BACH2: variants seen among roughly 807,000 people sequenced by gnomAD.
BACH2 encodes BACH transcriptional regulator 2, also known as transcription regulator protein BACH2.
In BACH2, 5 loss-of-function variants were observed where a neutral mutation model predicts 61.8. The ratio of observed to expected loss-of-function variants is 0.08; its 90% CI spans 0.04 to 0.17. The LOEUF (loss-of-function observed/expected upper bound fraction) is 0.17, where lower values mean the gene tolerates loss of function less well. BACH2 is among the 10% of genes least tolerant of loss of function. The probability of loss-of-function intolerance (pLI) is 1.00; values close to 1 mark genes in which losing one functional copy is unlikely to be tolerated. For synonymous variants in BACH2, 446 were observed against 440.1 expected (o/e 1.01, Z -0.17); for missense variants, 824 against 1,091.1 (o/e 0.76, Z 3.45).
intron 3 of BACH2, among the ~76,000 whole-genome samples, chr6:90,250,648 T>G (rs1257323451): frequency 6.6e-6 from 1 of 152,188 alleles, no homozygotes; most frequent in African/African-American, 2.4e-5. Context: ...CACACAGCTG[T>G]GTAACTGACT....
At chr6:90,175,529 C>A (rs917907575) in intron 4 of BACH2, among the ~76,000 whole-genome samples, 1 of 151,976 alleles carries the variant, frequency 6.6e-6, no homozygotes, top group African/African-American at 2.4e-5. Flanking sequence ...GTGGAAAAAA[C>A]CTAATCCCTT....
intron 5 of BACH2, among the ~76,000 whole-genome samples, chr6:90,067,808 G>A (rs1444175264): frequency 6.6e-6 from 1 of 152,100 alleles, no homozygotes; most frequent in Non-Finnish European, 1.5e-5. Context: ...AAACACACAC[G>A]TTCTTTCTAA....
intron 4 of BACH2, among the ~76,000 whole-genome samples, chr6:90,108,979 G>T (rs1181354737): frequency 6.6e-6 from 1 of 152,150 alleles, no homozygotes. Flanking sequence ...CACTGTCCCT[G>T]GGACATCAAT....
chr6:90,215,566 T>C (rs888114794), intron 3 of BACH2, among the ~76,000 whole-genome samples: 1 of 151,992 alleles, frequency 6.6e-6, no homozygotes, highest in Non-Finnish European at 1.5e-5. Flanking sequence ...TGGTCAGAAG[T>C]AGGCCAGGCT....
At chr6:90,064,293 C>G (rs1404585946) in intron 5 of BACH2, among the ~76,000 whole-genome samples, 1 of 152,152 alleles carries the variant, frequency 6.6e-6, no homozygotes, top group African/African-American at 2.4e-5. Flanking sequence ...GGCACCTGGC[C>G]TGGCCTTGAC....
chr6:89,945,246 C>T (rs748410151), intron 7 of BACH2, among the ~76,000 whole-genome samples: 10 of 152,144 alleles, frequency 6.6e-5, no homozygotes, highest in Non-Finnish European at 1.2e-4. Flanking sequence ...TTTATAATAG[C>T]CCCAAAGTGG....
At chr6:90,266,176 T>C (rs1023570653) in intron 2 of BACH2, among the ~76,000 whole-genome samples, 2 of 152,210 alleles carry the variant, frequency 1.3e-5, no homozygotes, top group African/African-American at 4.8e-5. Flanking sequence ...CCATGGAGGC[T>C]AGAGCAGACC....
chr6:90,011,402 A>G (rs1409075240), intron 5 of BACH2, among the ~76,000 whole-genome samples: 1 of 151,852 alleles, frequency 6.6e-6, no homozygotes, highest in East Asian at 1.9e-4. Flanking sequence ...TACTATTTTT[A>G]TGTTTGTCTA....
chr6:90,036,107 G>A (rs535207612), intron 5 of BACH2, among the ~76,000 whole-genome samples: 1 of 151,852 alleles, frequency 6.6e-6, no homozygotes, highest in African/African-American at 2.4e-5. Flanking sequence ...AAAATAAAAT[G>A]GGTTTCCTTT....
chr6:90,255,436 A>G lies in BACH2; in HGVS notation c.-352-2846T>C, dbSNP rs116932919. On this transcript the variant is annotated intron_variant, in intron 2 of 8. Transcript: ENST00000257749. Reference sequence around the variant, plus strand: ...GCAGCCATGGGCCACCTGAGTGGTGAAACTGAGACCCAAAGAGTGTCAGGA... The same window carrying G: ...GCAGCCATGGGCCACCTGAGTGGTGGAACTGAGACCCAAAGAGTGTCAGGA... Among the ~76,000 whole-genome samples the G allele has an allele frequency of 1.5e-3, 233 of 152,308 alleles. 4 individuals are homozygous for G. The East Asian group carries it at 0.034, about 22-fold the overall frequency.
intron 4 of BACH2, among the ~76,000 whole-genome samples, chr6:90,090,792 G>T (rs761391289): frequency 1.1e-4 from 16 of 152,104 alleles, no homozygotes; most frequent in Non-Finnish European, 2.2e-4. Flanking sequence ...TTATTTGTGG[G>T]TTGATAATTC....
At chr6:90,296,151 C>G in intron 1 of BACH2, among the ~76,000 whole-genome samples, 1 of 152,118 alleles carries the variant, frequency 6.6e-6, no homozygotes, top group East Asian at 1.9e-4. Context: ...ACTTATTACT[C>G]TCTGCTCCTC....
At chr6:89,997,291 T>C (rs1440944712) in intron 6 of BACH2, among the ~76,000 whole-genome samples, 1 of 152,212 alleles carries the variant, frequency 6.6e-6, no homozygotes, top group Non-Finnish European at 1.5e-5. Context: ...GTGAATTGAA[T>C]GCATTTAACT....
rs1226361025 is a variant in BACH2 at position 89,993,296 on chromosome 6, T to A, written c.243+15306A>T. Among the ~76,000 whole-genome samples the A allele has an allele frequency of 2.0e-5, 3 of 151,846 alleles. No homozygotes were observed. The East Asian group carries it at 5.8e-4, about 29-fold the overall frequency. On this transcript the variant is annotated intron_variant, in intron 6 of 8. Coordinates refer to ENST00000257749, the MANE Select transcript of BACH2 (RefSeq NM_021813.4). ...AGCTAAGGATTGAGTTAAGAGAAAA[T>A]CACTTAACTTAATAAAACTTAAAAA...
chr6:90,203,418 A>G (rs1769025994), intron 4 of BACH2, among the ~76,000 whole-genome samples: 1 of 131,104 alleles, frequency 7.6e-6, no homozygotes, highest in Non-Finnish European at 1.6e-5. Context: ...AAAAAAAAAG[A>G]GTTAAATTCT....
At chr6:90,219,276 T>C (rs1284766664) in intron 3 of BACH2, among the ~76,000 whole-genome samples, 1 of 152,158 alleles carries the variant, frequency 6.6e-6, no homozygotes, top group Non-Finnish European at 1.5e-5. Flanking sequence ...CAATCTGTAA[T>C]ATGAGGCAGT....
intron 1 of BACH2, among the ~76,000 whole-genome samples, chr6:90,284,132 G>C (rs936283189): frequency 1.3e-5 from 2 of 152,180 alleles, no homozygotes; most frequent in African/African-American, 4.8e-5. Flanking sequence ...AAAAAGCAAA[G>C]GCTCTGGGAT....
rs1023442895 is a variant in BACH2, at chr6:90,070,382, A to G, written c.-13+18579T>C. Among the ~76,000 whole-genome samples the G allele has an allele frequency of 6.6e-5, 10 of 152,136 alleles. No homozygotes were observed. The East Asian group carries it at 7.7e-4, about 12-fold the overall frequency. On this transcript the variant is annotated intron_variant, in intron 5 of 8. Coordinates refer to ENST00000257749, the MANE Select transcript of BACH2 (RefSeq NM_021813.4). ...GATCCAGTGCTCCTTCTGTTTCACT[A>G]AACAGCCTCCTTGAGGAAGTAGCTG... is the stretch of plus-strand genomic sequence containing the variant.
intron 4 of BACH2, among the ~76,000 whole-genome samples, chr6:90,171,431 C>A (rs200390480): frequency 5.3e-5 from 8 of 150,200 alleles, no homozygotes; most frequent in South Asian, 2.1e-4. Flanking sequence ...AAAAAAAAAA[C>A]AAAACCCCAC....
Sources: gnomAD v4.1 joint callset for allele counts (sites outside exome capture counted in the v4.1 genomes callset) on GRCh38, gnomAD v4.1.1 for gene constraint, MANE v1.5 for transcripts, NCBI Gene and HGNC (gene_info 2026-07-23, HGNC 2026-07-21) for gene names.